Variants in GABBR2 observed in about 807,000 individuals in gnomAD.
The protein encoded by GABBR2 is G-protein coupled receptor 51.
GABBR2 carries 23 observed loss-of-function variants against 105.6 expected under a neutral mutation model. That is an observed-to-expected ratio of 0.22 (90% CI 0.16 to 0.31). The LOEUF is 0.31. Ranked by LOEUF, GABBR2 falls within the 10% of genes least tolerant of loss-of-function variation. GABBR2 has a pLI of 1.00. For synonymous variants in GABBR2, 478 were observed against 499.7 expected, an observed-to-expected ratio of 0.96 and a Z score of 0.58; for missense variants, 734 against 1,245.5, an observed-to-expected ratio of 0.59 and a Z score of 6.18.
At chr9:98,545,353 T>C (rs1464547820) in intron 2 of GABBR2, among the ~76,000 whole-genome samples, 1 of 152,212 alleles carries the variant, frequency 6.6e-6, no homozygotes, top group African/African-American at 2.4e-5. Context: ...TTTGATTAGA[T>C]TGCTTTGCGT....
At chr9:98,645,455 G>C (rs1417701316) in intron 1 of GABBR2, among the ~76,000 whole-genome samples, 1 of 152,178 alleles carries the variant, frequency 6.6e-6, no homozygotes, top group Non-Finnish European at 1.5e-5. Flanking sequence ...AGTTCACTCT[G>C]TTACTATCAT....
rs374809910 is a variant in GABBR2 at position 98,314,029 on chromosome 9, AC to A, written c.1894-2825del. ...GATTTGCCTTTCGCTGTCCCAAGCCACAGAAAGCCTTAGCTCAACCTCTTTG... is the reference window on the plus strand; with the variant it reads ...GATTTGCCTTTCGCTGTCCCAAGCCAAGAAAGCCTTAGCTCAACCTCTTTG... On this transcript the variant is annotated intron_variant, in intron 13 of 18. Transcript: ENST00000259455. Among the ~76,000 whole-genome samples the A allele has an allele frequency of 6.6e-4, 101 of 152,266 alleles. 1 individual carries two copies. Among genetic ancestry groups the A allele is most frequent in the African/African-American group, 2.3e-3 (97 of 41,550 alleles).
rs116373456 is a variant in GABBR2, at chr9:98,337,512, G to A, written c.1893+25203C>T. 2.6e-3 allele frequency among the ~76,000 whole-genome samples: 397 copies of A among 152,196 alleles called. 1 individual carries two copies. Among genetic ancestry groups the A allele is most frequent in the African/African-American group, 9.3e-3 (385 of 41,528 alleles). On this transcript the variant is annotated intron_variant, in intron 13 of 18. Transcript: ENST00000259455. Reference sequence around the variant, plus strand: ...GTATAAATCATATGGAATCTCAAGGGACCCTGCATAGCTAAAACAATCTTG... The same window carrying A: ...GTATAAATCATATGGAATCTCAAGGAACCCTGCATAGCTAAAACAATCTTG...
In GABBR2 at chr9:98,628,517, T is replaced by C. The variant is rs531484703; in HGVS notation, c.322-50445A>G. Among the ~76,000 whole-genome samples, 16 of 152,292 alleles carry C rather than the reference T, an allele frequency of 1.1e-4. No individual in the cohort carries two copies. In the East Asian group the frequency reaches 2.7e-3, roughly 26 times the overall value. On this transcript the variant is annotated intron_variant, in intron 1 of 18. Coordinates refer to ENST00000259455, the MANE Select transcript of GABBR2 (RefSeq NM_005458.8). ...TTGAGCTTGCTGTGAAATTGCCCAT[T>C]TTAGATGGAAACACCTTTTTCTTTC... is the stretch of plus-strand genomic sequence containing the variant.
At chr9:98,620,862 CA>C (rs1399400307) in intron 1 of GABBR2, among the ~76,000 whole-genome samples, 1 of 152,152 alleles carries the variant, frequency 6.6e-6, no homozygotes, top group Non-Finnish European at 1.5e-5. Context: ...GGGCCCTCAG[CA>C]AACTACCTTC....
chr9:98,449,114 G>A (rs1826187645), intron 7 of GABBR2, among the ~76,000 whole-genome samples: 1 of 152,190 alleles, frequency 6.6e-6, no homozygotes, highest in African/African-American at 2.4e-5. Context: ...TGGGAAGAGG[G>A]GCCTGGTATT....
chr9:98,385,921 G>T (rs1042202219), intron 10 of GABBR2, 149 bp from the exon 11 acceptor site: 29 of 634,874 alleles, frequency 4.6e-5, no homozygotes, highest in Non-Finnish European at 6.8e-5. Context: ...GGCCTCAGGG[G>T]ACACATCAGC....
intron 13 of GABBR2, among the ~76,000 whole-genome samples, chr9:98,319,250 C>T (rs1172240321): frequency 6.6e-6 from 1 of 152,124 alleles, no homozygotes; most frequent in Non-Finnish European, 1.5e-5. Flanking sequence ...AAGCCTGCTC[C>T]TGATGTGGAA....
rs757880673 is a variant in GABBR2, at chr9:98,303,417, T to C, written c.2236A>G (p.Thr746Ala). 1.2e-6 allele frequency: 2 copies of C among 1,613,964 alleles called. No individual in the cohort carries two copies. Among genetic ancestry groups the C allele is most frequent in the South Asian group, 2.2e-5 (2 of 91,058 alleles). The change falls in exon 16 of 19, where the codon ACC becomes GCC. Residue 746 changes from threonine to alanine, a missense_variant. Around this residue, in one of 7 missense-constraint regions of GABBR2, gnomAD observed 91 missense variants for 185.9 expected, o/e 0.49. Coordinates refer to ENST00000259455, the MANE Select transcript of GABBR2 (RefSeq NM_005458.8). ...LCLVFVPKLI[T>A]LRTNPDAATQ... ...GCTGCATCTGGGTTTGTTCTCAGGG[T>C]GATGAGCTGAAAGGACAAAGGTTGG...
intron 7 of GABBR2, among the ~76,000 whole-genome samples, chr9:98,421,690 C>T (rs1832784898): frequency 6.6e-6 from 1 of 152,088 alleles, no homozygotes; most frequent in African/African-American, 2.4e-5. Flanking sequence ...TAGGTAAGCA[C>T]ATTTTTGGAA....
chr9:98,704,689 T>A (rs1396152183), intron 1 of GABBR2, among the ~76,000 whole-genome samples: 3 of 152,036 alleles, frequency 2.0e-5, no homozygotes, highest in Non-Finnish European at 2.9e-5. Flanking sequence ...GTAGATGGAT[T>A]ATGGGCAATT....
At chr9:98,510,403 C>A (rs1434817754) in intron 3 of GABBR2, among the ~76,000 whole-genome samples, 13 of 152,172 alleles carry the variant, frequency 8.5e-5, no homozygotes, top group Non-Finnish European at 1.5e-4. Context: ...ATGAGAGGAT[C>A]AAATTCACAC....
At chr9:98,458,405 A>T (rs1387431306) in intron 6 of GABBR2, among the ~76,000 whole-genome samples, 1 of 152,164 alleles carries the variant, frequency 6.6e-6, no homozygotes, top group Non-Finnish European at 1.5e-5. Context: ...GAAGCTTGTT[A>T]AAAATGCAGA....
At chr9:98,472,871 C>T (rs1356302796) in intron 6 of GABBR2, among the ~76,000 whole-genome samples, 2 of 152,048 alleles carry the variant, frequency 1.3e-5, no homozygotes, top group Non-Finnish European at 2.9e-5. Context: ...GAAGTTGATG[C>T]CAGGACTCTA....
chr9:98,303,839 A>T (rs1325776340), intron 15 of GABBR2, among the ~76,000 whole-genome samples: 1 of 152,258 alleles, frequency 6.6e-6, no homozygotes, highest in Non-Finnish European at 1.5e-5. Context: ...ACCATTGATG[A>T]GTTCTGGAAG....
chr9:98,679,644 A>ACCTTCCTCACACCCTTCTCC (rs1359459069), intron 1 of GABBR2, among the ~76,000 whole-genome samples: 6 of 152,186 alleles, frequency 3.9e-5, no homozygotes, highest in Non-Finnish European at 8.8e-5. Flanking sequence ...GGCCATTCTC[A>ACCTTCCTCACACCCTTCTCC]CCTTCCTCAC....
At chr9:98,344,865 C>A (rs1246064173) in intron 13 of GABBR2, among the ~76,000 whole-genome samples, 1 of 152,184 alleles carries the variant, frequency 6.6e-6, no homozygotes, top group African/African-American at 2.4e-5. Flanking sequence ...ACCGACTGGA[C>A]AAACTACTCT....
chr9:98,424,545 CCT>C lies in GABBR2; in HGVS notation c.1237-18406_1237-18405del, dbSNP rs574295442. Among the ~76,000 whole-genome samples the C allele has an allele frequency of 2.0e-3, 306 of 152,064 alleles. 1 individual carries two copies. Among genetic ancestry groups the C allele is most frequent in the African/African-American group, 7.0e-3 (290 of 41,464 alleles). On this transcript the variant is annotated intron_variant, in intron 7 of 18. Coordinates refer to ENST00000259455, the MANE Select transcript of GABBR2 (RefSeq NM_005458.8). ...TAGGAAAAGAGGAAGTCAAATTGCC[CCT>C]GTTTGCAGACGACATGATTGTATAT...
intron 1 of GABBR2, among the ~76,000 whole-genome samples, chr9:98,599,547 C>T (rs1489644600): frequency 6.6e-6 from 1 of 152,250 alleles, no homozygotes; most frequent in East Asian, 1.9e-4. Context: ...CCAGTGTTTT[C>T]TCCTGACCTG....
Sources: allele counts gnomAD v4.1 joint callset (sites outside exome capture counted in the v4.1 genomes callset), GRCh38; gene constraint gnomAD v4.1.1; regional missense constraint gnomAD v4.1.1; transcripts MANE v1.5; gene names NCBI Gene and HGNC (gene_info 2026-07-23, HGNC 2026-07-21).